Variants in ERO1B observed in about 807,000 individuals in gnomAD.
ERO1B encodes ERO1-like protein beta.
Under a neutral mutation model 75.3 loss-of-function variants are expected in ERO1B, and 49 were observed. That is an observed-to-expected ratio of 0.65 (90% CI 0.52 to 0.83). The LOEUF (loss-of-function observed/expected upper bound fraction) is 0.83, where lower values mean the gene tolerates loss of function less well. Ranked by LOEUF, ERO1B falls within the 40% of genes least tolerant of loss-of-function variation. The pLI, the probability that ERO1B is intolerant of heterozygous loss-of-function variation, is 0.00. For missense variants in ERO1B, 512 were observed against 560.1 expected, an observed-to-expected ratio of 0.91 and a Z score of 0.87; for synonymous variants, 191 against 192.9, an observed-to-expected ratio of 0.99 and a Z score of 0.08.
In ERO1B at chr1:236,226,509, C is replaced by A. The variant is rs1344425831; in HGVS notation, c.812G>T (p.Trp271Leu). ...LCANYLLEET[W>L]GKPSWGPNIK... ...ATTAGGTCCCCAACTGGGCTTACCC[C>A]AGGTTTCTAAAGAGAAAGAGAAATA... Residue 271 changes from tryptophan (W) to leucine (L), a missense_variant, in exon 12 of 16, where the codon TGG becomes TTG. By Grantham distance (61) the Trp-to-Leu change is moderately conservative (BLOSUM62 -2). Transcript: ENST00000354619. The A allele has an allele frequency of 1.2e-6, 2 of 1,610,584 alleles. No individual in the cohort carries two copies. The highest frequency in any genetic ancestry group is 3.4e-5 in the Admixed American group (2 of 59,124).
At chr1:236,226,776 T>C (rs377402868) in intron 10 of ERO1B, 37 bp from the exon 11 acceptor site, 1 of 1,489,318 alleles carries the variant, frequency 6.7e-7, no homozygotes, top group Non-Finnish European at 9.2e-7. Context: ...ATTACACCTA[T>C]TTAGATATCA....
At chr1:236,256,037 A>G (rs972703394) in intron 2 of ERO1B, among the ~76,000 whole-genome samples, 1 of 152,128 alleles carries the variant, frequency 6.6e-6, no homozygotes, top group Non-Finnish European at 1.5e-5. Context: ...TAAAGAATAA[A>G]CCTCCTTGAG....
At chr1:236,227,788 C>T (rs1305016695) in intron 10 of ERO1B, among the ~76,000 whole-genome samples, 1 of 152,094 alleles carries the variant, frequency 6.6e-6, no homozygotes. Context: ...TTCTGAAGCA[C>T]GTGGCCTCTA....
Position 236,281,708 on chromosome 1 carries a change from A to G in ERO1B, c.76T>C (p.Phe26Leu). Reference protein sequence around the residue: ...AAVQLLVTLSFLRSVVEAQVT... With the variant: ...AAVQLLVTLSLLRSVVEAQVT... Reference sequence around the variant, plus strand: ...TGCGCCTCGACGACGCTCCGCAGGAAGCTCAGGGTGACCAGCAGCTGCACC... The same window carrying G: ...TGCGCCTCGACGACGCTCCGCAGGAGGCTCAGGGTGACCAGCAGCTGCACC... Residue 26 changes from phenylalanine to leucine, a missense_variant, in exon 1 of 16, where the codon TTC becomes CTC. Coordinates refer to ENST00000354619, the MANE Select transcript of ERO1B (RefSeq NM_019891.4). The G allele has an allele frequency of 1.3e-6, 2 of 1,503,428 alleles. No individual in the cohort carries two copies. The highest frequency in any genetic ancestry group is 1.8e-6 in the Non-Finnish European group (2 of 1,128,360). The allele number at this position is 1,503,428 out of a possible 1,614,324, so 93.1% of individuals were successfully genotyped here. A position where few individuals can be genotyped will look rare whatever the true frequency, so the allele number is the denominator to read the frequency against.
At position 236,249,982 on chromosome 1, in the gene ERO1B, G is replaced by C. The variant is rs2056713; in HGVS notation, c.349-15C>G. On this transcript the variant is annotated splice_polypyrimidine_tract_variant and intron_variant, in intron 4 of 15. Transcript: ENST00000354619. ...ATTTTCAAGTACTGCAAAGAAGTTC[G>C]TAAGTTTAGTAAAAATTATTACCTT... 1.3e-6 allele frequency: 2 copies of C among 1,542,890 alleles called. No individual in the cohort carries two copies. The highest frequency in any genetic ancestry group is 1.8e-6 in the Non-Finnish European group (2 of 1,136,642).
At position 236,226,255 on chromosome 1, in the gene ERO1B, T is replaced by C. The variant is rs1438392982; in HGVS notation, c.1052+14A>G. 4 of 1,611,100 alleles carry C rather than the reference T, an allele frequency of 2.5e-6. No individual in the cohort carries two copies. The highest frequency in any genetic ancestry group is 2.2e-5 in the East Asian group (1 of 44,836). ...AGAGAGGAGAATTTCAAATCACGGATAGTCAATTCTTACTTTGTATCTTGA... is the reference window on the plus strand; with the variant it reads ...AGAGAGGAGAATTTCAAATCACGGACAGTCAATTCTTACTTTGTATCTTGA... On this transcript the variant is annotated intron_variant, in intron 12 of 15. Transcript: ENST00000354619.
At chr1:236,264,267 C>T (rs139139160) in intron 2 of ERO1B, among the ~76,000 whole-genome samples, 335 of 152,168 alleles carry the variant, frequency 2.2e-3, no homozygotes, top group Non-Finnish European at 3.7e-3. Flanking sequence ...GCCACCATGC[C>T]CAGCTAGTTT....
rs929354627 is a variant in ERO1B, at chr1:236,215,729, T to C, written c.*2787A>G. On this transcript the variant is annotated 3_prime_UTR_variant, in exon 16 of 16. Coordinates refer to ENST00000354619, the MANE Select transcript of ERO1B (RefSeq NM_019891.4). ...AATAATTTCCACGATACCATGCACC[T>C]AATCTGTGTATTTTGGTGAGTAGCT... 16 of 139,628 alleles carry C rather than the reference T, an allele frequency of 1.1e-4. No homozygotes were observed. Among genetic ancestry groups the C allele is most frequent in the Non-Finnish European group, 2.4e-4 (15 of 63,236 alleles). 8.6% of individuals were successfully genotyped at this position (139,628 alleles called of 1,614,324 possible).
At chr1:236,241,100 G>A (rs1296132042) in intron 6 of ERO1B, among the ~76,000 whole-genome samples, 2 of 152,264 alleles carry the variant, frequency 1.3e-5, no homozygotes, top group East Asian at 3.9e-4. Context: ...CCATTCAAAT[G>A]AAGTCATTAT....
intron 10 of ERO1B, among the ~76,000 whole-genome samples, chr1:236,227,994 G>A (rs1013407185): frequency 3.6e-4 from 54 of 152,110 alleles, no homozygotes; most frequent in African/African-American, 1.3e-3. Context: ...ACAACATTAA[G>A]TACTAACTTC....
At chr1:236,237,106 A>C (rs1572040082) in intron 6 of ERO1B, among the ~76,000 whole-genome samples, 2 of 143,112 alleles carry the variant, frequency 1.4e-5, no homozygotes, top group East Asian at 2.1e-4. Flanking sequence ...CCCGATCTCC[A>C]CTATTTGGAC....
At chr1:236,236,638 A>G (rs1056055195) in intron 6 of ERO1B, among the ~76,000 whole-genome samples, 3 of 152,202 alleles carry the variant, frequency 2.0e-5, no homozygotes, top group Non-Finnish European at 4.4e-5. Context: ...TTGGATACGC[A>G]GTGCTCTTTT....
chr1:236,281,802 C>A lies in ERO1B; in HGVS notation c.-19G>T. The A allele has an allele frequency of 1.4e-6, 2 of 1,413,420 alleles. No homozygotes were observed. Among genetic ancestry groups the A allele is most frequent in the Non-Finnish European group, 1.9e-6 (2 of 1,074,420 alleles). The allele number at this position is 1,413,420 out of a possible 1,614,324, so 87.6% of individuals were successfully genotyped here. ...GGCTCATGCTGACCTCTACCCACAC[C>A]GCGGCCAGCCGGACCCCTCGGGGCC... On this transcript the variant is annotated 5_prime_UTR_variant, in exon 1 of 16. Coordinates refer to ENST00000354619, the MANE Select transcript of ERO1B (RefSeq NM_019891.4).
intron 12 of ERO1B, among the ~76,000 whole-genome samples, chr1:236,225,649 T>C (rs930277205): frequency 6.6e-6 from 1 of 152,228 alleles, no homozygotes; most frequent in South Asian, 2.1e-4. Context: ...ATATAGTGAC[T>C]AGAGGCCAGG....
chr1:236,229,861 T>C (rs1372967510), intron 10 of ERO1B, among the ~76,000 whole-genome samples: 4 of 152,224 alleles, frequency 2.6e-5, no homozygotes, highest in Non-Finnish European at 5.9e-5. Context: ...TAATTTTATA[T>C]ATAAAAAGTA....
At chr1:236,244,005 C>T (rs1405627) in intron 5 of ERO1B, among the ~76,000 whole-genome samples, 10,373 of 152,112 alleles carry the variant, frequency 0.068, 739 homozygotes, top group East Asian at 0.39. Context: ...TGGTGTATCA[C>T]TCGTTTCACA....
chr1:236,228,045 C>G (rs1268322943), intron 10 of ERO1B, among the ~76,000 whole-genome samples: 4 of 152,146 alleles, frequency 2.6e-5, no homozygotes, highest in Non-Finnish European at 5.9e-5. Flanking sequence ...TATCAAGTAA[C>G]AAAATATCAG....
intron 2 of ERO1B, among the ~76,000 whole-genome samples, chr1:236,264,038 CAT>C (rs1465904183): frequency 2.6e-5 from 4 of 151,770 alleles, no homozygotes; most frequent in African/African-American, 7.3e-5. Flanking sequence ...GCTATATTAA[CAT>C]ATGTTTTATT....
rs1161473398 is a variant in ERO1B, at chr1:236,250,065, T to C, written c.349-98A>G. 17 of 624,644 alleles carry C rather than the reference T, an allele frequency of 2.7e-5. No individual in the cohort carries two copies. In the East Asian group the frequency reaches 4.8e-4, roughly 18 times the overall value. The allele number at this position is 624,644 out of a possible 1,614,324, so 38.7% of individuals were successfully genotyped here. Reference sequence around the variant, plus strand: ...TCAATCTGTCAACAATGATATACACTAAATATACATACATTCCATTATAAA... The same window carrying C: ...TCAATCTGTCAACAATGATATACACCAAATATACATACATTCCATTATAAA... On this transcript the variant is annotated intron_variant, in intron 4 of 15. Coordinates refer to ENST00000354619, the MANE Select transcript of ERO1B (RefSeq NM_019891.4).
Sources: gnomAD v4.1 joint callset for allele counts (sites outside exome capture counted in the v4.1 genomes callset) on GRCh38, gnomAD v4.1.1 for gene constraint, MANE v1.5 for transcripts, NCBI Gene and HGNC (gene_info 2026-07-23, HGNC 2026-07-21) for gene names.